Variants in FRMD4A observed in about 807,000 individuals in gnomAD.
The protein encoded by FRMD4A is FERM domain containing 4A, also known as FERM domain-containing protein 4A.
In FRMD4A, 29 loss-of-function variants were observed where a neutral mutation model predicts 129.1. The ratio of observed to expected loss-of-function variants is 0.22; its 90% CI spans 0.17 to 0.31. FRMD4A has a LOEUF of 0.31. FRMD4A is among the 10% of genes least tolerant of loss of function. FRMD4A has a pLI of 1.00. For synonymous variants in FRMD4A, 634 were observed against 571.6 expected (o/e 1.11, Z -1.56); for missense variants, 1,272 against 1,375.8 (o/e 0.92, Z 1.19).
In FRMD4A at chr10:13,974,164, TA is replaced by T. The variant is rs376116395; in HGVS notation, c.46-115253del. Among the ~76,000 whole-genome samples, 47 of 152,230 alleles carry T rather than the reference TA, an allele frequency of 3.1e-4. No individual in the cohort carries two copies. In the East Asian group the frequency reaches 7.3e-3, roughly 24 times the overall value. ...GGCATTGTTTTATTCTACGACGAAG[TA>T]AAGTGACTTTAAAAATTAAAAAAGT... On this transcript the variant is annotated intron_variant, in intron 2 of 24. Coordinates refer to ENST00000357447, the MANE Select transcript of FRMD4A (RefSeq NM_018027.5).
At chr10:14,262,087 A>G (rs572042199) in intron 2 of FRMD4A, among the ~76,000 whole-genome samples, 3 of 152,098 alleles carry the variant, frequency 2.0e-5, no homozygotes, top group African/African-American at 7.2e-5. Flanking sequence ...GCAATTCCAA[A>G]ATTTGAAGAG....
intron 2 of FRMD4A, among the ~76,000 whole-genome samples, chr10:14,318,317 A>AC (rs1261249984): frequency 7.4e-5 from 10 of 135,766 alleles, no homozygotes; most frequent in Admixed American, 1.4e-4. Flanking sequence ...ACCAAGCTAT[A>AC]TCCCCCCCCA....
intron 2 of FRMD4A, among the ~76,000 whole-genome samples, chr10:14,070,445 C>T (rs1162934899): frequency 2.0e-5 from 3 of 152,114 alleles, no homozygotes; most frequent in Admixed American, 6.6e-5. Context: ...ATTTTATTAT[C>T]GGTTTAGAAA....
chr10:14,256,370 T>A (rs796732130), intron 2 of FRMD4A, among the ~76,000 whole-genome samples: 16 of 152,290 alleles, frequency 1.1e-4, no homozygotes, highest in African/African-American at 3.4e-4. Context: ...AAATCATGCA[T>A]TGGTAAAATG....
At chr10:14,178,440 C>A (rs1304121061) in intron 2 of FRMD4A, among the ~76,000 whole-genome samples, 1 of 152,172 alleles carries the variant, frequency 6.6e-6, no homozygotes, top group Non-Finnish European at 1.5e-5. Flanking sequence ...TAAACATTTA[C>A]AAAATGGAGC....
At chr10:13,685,597 T>C (rs1431319844) in intron 15 of FRMD4A, 4 of 983,122 alleles carry the variant, frequency 4.1e-6, no homozygotes, top group Non-Finnish European at 3.6e-6. Flanking sequence ...AAAGGAGCAC[T>C]GCAACAGAGG....
chr10:13,765,370 G>T (rs2092251302), intron 6 of FRMD4A, among the ~76,000 whole-genome samples: 1 of 152,012 alleles, frequency 6.6e-6, no homozygotes, highest in Admixed American at 6.6e-5. Flanking sequence ...ACCCACCTCG[G>T]CCTCCCAAAG....
chr10:14,176,894 C>T (rs914340412), intron 2 of FRMD4A, among the ~76,000 whole-genome samples: 9 of 152,128 alleles, frequency 5.9e-5, no homozygotes, highest in African/African-American at 1.9e-4. Context: ...ACAGAGATGC[C>T]GTTCCTCATC....
At chr10:13,977,277 C>A (rs1318360300) in intron 2 of FRMD4A, among the ~76,000 whole-genome samples, 6 of 152,096 alleles carry the variant, frequency 3.9e-5, no homozygotes, top group Non-Finnish European at 8.8e-5. Flanking sequence ...AACTACTAAT[C>A]GGTGTTTTAA....
intron 2 of FRMD4A, among the ~76,000 whole-genome samples, chr10:14,133,979 C>G (rs1437072487): frequency 6.6e-6 from 1 of 152,168 alleles, no homozygotes; most frequent in Non-Finnish European, 1.5e-5. Flanking sequence ...TTCTTGGTAT[C>G]TGATTGGAGT....
At chr10:13,684,835 G>C in intron 15 of FRMD4A, 1 of 977,124 alleles carries the variant, frequency 1.0e-6, no homozygotes, top group Non-Finnish European at 1.2e-6. Flanking sequence ...TAGAACTAAA[G>C]AAGGGAAATG....
chr10:14,038,456 T>C (rs7898835), intron 2 of FRMD4A, among the ~76,000 whole-genome samples: 36,502 of 152,122 alleles, frequency 0.24, 4,475 homozygotes, highest in East Asian at 0.43. Flanking sequence ...AAAATGACGC[T>C]AAGCAAAAAC....
chr10:14,181,433 C>A (rs1462074934), intron 2 of FRMD4A, among the ~76,000 whole-genome samples: 1 of 152,164 alleles, frequency 6.6e-6, no homozygotes, highest in Non-Finnish European at 1.5e-5. Context: ...AGCTGAGAGA[C>A]AGGCATCTGG....
intron 2 of FRMD4A, among the ~76,000 whole-genome samples, chr10:14,110,431 C>T (rs977250931): frequency 2.0e-5 from 3 of 152,104 alleles, no homozygotes; most frequent in Non-Finnish European, 4.4e-5. Context: ...TCTTTGAAAA[C>T]AGCAAACTTG....
intron 6 of FRMD4A, among the ~76,000 whole-genome samples, chr10:13,769,519 C>CG (rs1402175401): frequency 1.3e-5 from 2 of 152,016 alleles, no homozygotes; most frequent in Non-Finnish European, 2.9e-5. Context: ...CATGTTGCCC[C>CG]GGGTGGTCTA....
chr10:13,908,000 T>C (rs1311187482), intron 2 of FRMD4A, among the ~76,000 whole-genome samples: 1 of 151,212 alleles, frequency 6.6e-6, no homozygotes, highest in Non-Finnish European at 1.5e-5. Context: ...ACCCCGTCTC[T>C]ACTAAAAATA....
At chr10:14,212,702 A>C (rs1429720855) in intron 2 of FRMD4A, among the ~76,000 whole-genome samples, 1 of 152,206 alleles carries the variant, frequency 6.6e-6, no homozygotes, top group East Asian at 1.9e-4. Flanking sequence ...CAAAATTTGG[A>C]AACTGTAAGT....
At chr10:13,704,089 G>T (rs139830578) in intron 13 of FRMD4A, among the ~76,000 whole-genome samples, 150 of 152,282 alleles carry the variant, frequency 9.9e-4, no homozygotes, top group African/African-American at 3.4e-3. Flanking sequence ...CATGTTCTAT[G>T]CATGTAACGC....
At chr10:13,784,512 A>G (rs531713708) in intron 5 of FRMD4A, among the ~76,000 whole-genome samples, 1 of 152,348 alleles carries the variant, frequency 6.6e-6, no homozygotes, top group East Asian at 1.9e-4. Flanking sequence ...TCTTCTAATC[A>G]ATACAATCAC....
Sources: allele counts gnomAD v4.1 joint callset (sites outside exome capture counted in the v4.1 genomes callset), GRCh38; gene constraint gnomAD v4.1.1; transcripts MANE v1.5; gene names NCBI Gene and HGNC (gene_info 2026-07-23, HGNC 2026-07-21).